The following GFRA1 variants were observed in gnomAD, a reference collection of about 807,000 sequenced individuals.
The protein encoded by GFRA1 is GDNF family receptor alpha-1.
Under a neutral mutation model 51.6 loss-of-function variants are expected in GFRA1, and 16 were observed. The observed-to-expected ratio is 0.31, with a 90% CI of 0.21 to 0.47. GFRA1 has a LOEUF of 0.47. GFRA1 is among the 20% of genes least tolerant of loss of function. The probability of loss-of-function intolerance (pLI) is 1.00; values close to 1 mark genes in which losing one functional copy is unlikely to be tolerated. For missense variants in GFRA1, 530 were observed against 594.3 expected, an observed-to-expected ratio of 0.89 and a Z score of 1.13; for synonymous variants, 270 against 241.3, an observed-to-expected ratio of 1.12 and a Z score of -1.10.
intron 5 of GFRA1, among the ~76,000 whole-genome samples, chr10:116,169,738 C>A (rs970974930): frequency 3.3e-5 from 5 of 152,206 alleles, no homozygotes; most frequent in Admixed American, 6.5e-5. Flanking sequence ...TCAATAAAAT[C>A]TCCACATTCA....
intron 6 of GFRA1, among the ~76,000 whole-genome samples, chr10:116,109,755 C>T (rs548104224): frequency 1.3e-5 from 2 of 152,172 alleles, no homozygotes; most frequent in Non-Finnish European, 2.9e-5. Context: ...CTGGCCTGGC[C>T]GGGACGACCA....
At chr10:116,070,377 C>T (rs1955324257) in intron 9 of GFRA1, among the ~76,000 whole-genome samples, 2 of 152,186 alleles carry the variant, frequency 1.3e-5, no homozygotes. Context: ...CAAACTGGAC[C>T]TTTGCTAGGG....
chr10:116,248,646 T>G (rs1441852795), intron 4 of GFRA1, among the ~76,000 whole-genome samples: 1 of 152,170 alleles, frequency 6.6e-6, no homozygotes, highest in Non-Finnish European at 1.5e-5. Context: ...AAGCACTTTG[T>G]TATGTGTCAA....
chr10:116,217,373 G>A (rs1965634446), intron 4 of GFRA1, among the ~76,000 whole-genome samples: 1 of 152,166 alleles, frequency 6.6e-6, no homozygotes, highest in South Asian at 2.1e-4. Context: ...GGATCAAGTG[G>A]GATAATTTAA....
chr10:116,243,504 AAAAAG>A (rs1318317325), intron 4 of GFRA1, among the ~76,000 whole-genome samples: 2 of 145,926 alleles, frequency 1.4e-5, no homozygotes, highest in Admixed American at 6.8e-5. Flanking sequence ...CAAAAAAGAG[AAAAAG>A]AAAAGAAAAA....
intron 5 of GFRA1, among the ~76,000 whole-genome samples, chr10:116,176,059 CA>C (rs1246518262): frequency 6.6e-6 from 1 of 152,150 alleles, no homozygotes; most frequent in Non-Finnish European, 1.5e-5. Flanking sequence ...GAAAAGATGA[CA>C]AACAGAATTG....
At chr10:116,155,476 GA>G (rs1959182290) in intron 5 of GFRA1, among the ~76,000 whole-genome samples, 1 of 152,154 alleles carries the variant, frequency 6.6e-6, no homozygotes, top group African/African-American at 2.4e-5. Context: ...AGCAGCTAGA[GA>G]AGGCCTCAAG....
chr10:116,234,225 T>C (rs1035176705), intron 4 of GFRA1, among the ~76,000 whole-genome samples: 8 of 152,300 alleles, frequency 5.3e-5, no homozygotes, highest in Middle Eastern at 3.4e-3. Flanking sequence ...TTAAAGTCCC[T>C]GGAAAAACTA....
At chr10:116,226,954 C>A (rs554968382) in intron 4 of GFRA1, among the ~76,000 whole-genome samples, 1 of 152,208 alleles carries the variant, frequency 6.6e-6, no homozygotes, top group Middle Eastern at 3.4e-3. Context: ...GCAGGTCAGG[C>A]GGTAATGTGG....
At chr10:116,081,280 A>C (rs537713211) in intron 9 of GFRA1, among the ~76,000 whole-genome samples, 1 of 152,258 alleles carries the variant, frequency 6.6e-6, no homozygotes, top group South Asian at 2.1e-4. Context: ...TGACACCCTG[A>C]GTGGTTAGCT....
In GFRA1 at chr10:116,125,343, G is replaced by A; in HGVS notation, c.648C>T (p.Cys216=). ...KHSYGMLFCS[C]RDIACTERRR... ...TCCGCTCTGTGCAGGCGATGTCCCG[G>A]CAGGAGCAGAAGAGCATTCCGTAGC... is the stretch of plus-strand genomic sequence containing the variant. Residue 216 remains cysteine, a synonymous_variant, in exon 6 of 11, where the codon TGC becomes TGT. Transcript: ENST00000355422. 4 of 1,614,218 alleles carry A rather than the reference G, an allele frequency of 2.5e-6. No homozygotes were observed. Among genetic ancestry groups the A allele is most frequent in the Non-Finnish European group, 2.5e-6 (3 of 1,180,038 alleles).
At chr10:116,129,050 A>G (rs903709885) in intron 5 of GFRA1, among the ~76,000 whole-genome samples, 1 of 152,194 alleles carries the variant, frequency 6.6e-6, no homozygotes, top group African/African-American at 2.4e-5. Flanking sequence ...GACAAATTCT[A>G]GAATCCGCAA....
chr10:116,212,947 C>T (rs1165281600), intron 4 of GFRA1, among the ~76,000 whole-genome samples: 2 of 152,210 alleles, frequency 1.3e-5, no homozygotes, highest in Non-Finnish European at 2.9e-5. Flanking sequence ...GCCTCCCACT[C>T]ACTCCAAAAG....
chr10:116,065,693 G>C (rs1032464839), intron 9 of GFRA1, 67 bp from the exon 10 acceptor site: 3 of 1,266,410 alleles, frequency 2.4e-6, no homozygotes, highest in Non-Finnish European at 3.4e-6. Context: ...TGATCCATCA[G>C]TCAGCTGTCT....
intron 5 of GFRA1, among the ~76,000 whole-genome samples, chr10:116,129,175 C>T (rs1958001870): frequency 6.6e-6 from 1 of 152,174 alleles, no homozygotes; most frequent in African/African-American, 2.4e-5. Context: ...CCTTTCCGAA[C>T]TTGACATTTG....
At chr10:116,154,468 T>C (rs1959167439) in intron 5 of GFRA1, among the ~76,000 whole-genome samples, 1 of 152,190 alleles carries the variant, frequency 6.6e-6, no homozygotes, top group African/African-American at 2.4e-5. Flanking sequence ...TCAAAAAGTA[T>C]ATATTTTATT....
chr10:116,149,589 G>T (rs567208906), intron 5 of GFRA1, among the ~76,000 whole-genome samples: 24 of 152,254 alleles, frequency 1.6e-4, no homozygotes, highest in African/African-American at 5.8e-4. Context: ...CATTACTGAT[G>T]AACAATTTCC....
chr10:116,264,881 G>T (rs140572350), intron 4 of GFRA1, among the ~76,000 whole-genome samples: 2 of 152,164 alleles, frequency 1.3e-5, no homozygotes, highest in African/African-American at 4.8e-5. Flanking sequence ...AGAGCTGAGT[G>T]CAAGAAAAGG....
At chr10:116,190,434 C>A (rs531826802) in intron 5 of GFRA1, among the ~76,000 whole-genome samples, 171 of 152,296 alleles carry the variant, frequency 1.1e-3, no homozygotes, top group Non-Finnish European at 1.5e-3. Flanking sequence ...AGCCAGTGCT[C>A]TACAGACAGG....
Sources: gnomAD v4.1 joint callset for allele counts (sites outside exome capture counted in the v4.1 genomes callset) on GRCh38, gnomAD v4.1.1 for gene constraint, MANE v1.5 for transcripts, NCBI Gene and HGNC (gene_info 2026-07-23, HGNC 2026-07-21) for gene names.